The following SHROOM2 variants were observed in gnomAD, a reference collection of about 807,000 sequenced individuals.
SHROOM2 encodes shroom family member 2, also known as protein Shroom2.
SHROOM2 carries 33 observed loss-of-function variants against 75.9 expected under a neutral mutation model. The ratio of observed to expected loss-of-function variants is 0.43; its 90% CI spans 0.33 to 0.58. The LOEUF is 0.58. SHROOM2 is among the 20% of genes least tolerant of loss of function. The probability of loss-of-function intolerance (pLI) is 0.04; values close to 1 mark genes in which losing one functional copy is unlikely to be tolerated. For missense variants in SHROOM2, 1,434 were observed against 1,461.2 expected (o/e 0.98, Z 0.30); for synonymous variants, 655 against 663.6 (o/e 0.99, Z 0.20).
Position 9,896,508 on chromosome X carries a change from C to A in SHROOM2, c.2600C>A (p.Pro867Gln). The change falls in exon 4 of 10, where the codon CCG becomes CAG. Residue 867 changes from proline (P) to glutamine (Q), a missense_variant. By Grantham distance (76) the Pro-to-Gln change is moderately conservative. Transcript: ENST00000380913. Reference protein sequence around the residue: ...AAEKAGTSDLPRRLGTFAEYQ... With the variant: ...AAEKAGTSDLQRRLGTFAEYQ... ...GAGAAGGCAGGGACTTCAGACCTGC[C>A]GCGGAGGCTCGGCACCTTTGCAGAG... 1 of 1,209,544 alleles carries A rather than the reference C, an allele frequency of 8.3e-7. No homozygotes were observed. The highest frequency in any genetic ancestry group is 1.1e-6 in the Non-Finnish European group (1 of 894,396).
chrX:9,911,372 C>G (rs886218605), intron 5 of SHROOM2, among the ~76,000 whole-genome samples: 2 of 112,286 alleles, frequency 1.8e-5, no homozygotes, highest in Admixed American at 1.9e-4. Flanking sequence ...GGAAAAAAAT[C>G]TAAAATAGCA....
chrX:9,859,299 C>T (rs970830916), intron 1 of SHROOM2, among the ~76,000 whole-genome samples: 3 of 110,696 alleles, frequency 2.7e-5, no homozygotes, highest in Non-Finnish European at 3.8e-5. Context: ...TAGACAACGT[C>T]GCTTATGTTC....
chrX:9,830,665 G>T (rs1296290867), intron 1 of SHROOM2, among the ~76,000 whole-genome samples: 1 of 83,234 alleles, frequency 1.2e-5, no homozygotes, highest in African/African-American at 4.7e-5. Flanking sequence ...GCAATGGCGC[G>T]ATCTTGGCTC....
intron 5 of SHROOM2, among the ~76,000 whole-genome samples, chrX:9,904,870 G>A (rs1601980765): frequency 1.8e-5 from 2 of 111,962 alleles, no homozygotes; most frequent in African/African-American, 6.5e-5. Flanking sequence ...ATTGATAACC[G>A]ATTGATTCAT....
chrX:9,830,099 A>T (rs1326816763), intron 1 of SHROOM2, among the ~76,000 whole-genome samples: 1 of 111,036 alleles, frequency 9.0e-6, no homozygotes, highest in Admixed American at 9.6e-5. Flanking sequence ...CCAGGAAGAG[A>T]CCCCTCACCG....
At chrX:9,918,874 A>C (rs753398903) in intron 5 of SHROOM2, among the ~76,000 whole-genome samples, 2 of 111,785 alleles carry the variant, frequency 1.8e-5, no homozygotes, top group Non-Finnish European at 3.8e-5. Context: ...CCACCTCTTC[A>C]TCCTATCCCA....
intron 1 of SHROOM2, among the ~76,000 whole-genome samples, chrX:9,830,736 G>T (rs183116494): frequency 0.014 from 1,476 of 107,536 alleles, 19 homozygotes; most frequent in African/African-American, 0.048. Flanking sequence ...CGAGTAGCTG[G>T]GATTACAGGC....
rs748972023 is a variant in SHROOM2, at chrX:9,887,203, C to T, written c.318-3774C>T. Among the ~76,000 whole-genome samples the T allele has an allele frequency of 3.6e-5, 4 of 112,539 alleles. No homozygotes were observed. In the East Asian group the frequency reaches 8.3e-4, roughly 23 times the overall value. ...TGTTACCAGCAAGCTGCTGTCTCCC[C>T]GATGTAACTGACCAAGCTAAAGGGC... On this transcript the variant is annotated intron_variant, in intron 2 of 9. Transcript: ENST00000380913.
intron 1 of SHROOM2, among the ~76,000 whole-genome samples, chrX:9,863,725 G>A (rs967761350): frequency 1.8e-5 from 2 of 109,968 alleles, no homozygotes; most frequent in African/African-American, 3.3e-5. Context: ...CAACTCCTAG[G>A]CTCAGGTGAT....
chrX:9,911,331 C>T (rs1397830553), intron 5 of SHROOM2, among the ~76,000 whole-genome samples: 2 of 111,852 alleles, frequency 1.8e-5, no homozygotes, highest in Non-Finnish European at 3.8e-5. Context: ...AATGAATCAG[C>T]ACAGTGCCTA....
chrX:9,882,178 C>CTTTTTTTTTTTT (rs386416608), intron 2 of SHROOM2, among the ~76,000 whole-genome samples: 4 of 71,040 alleles, frequency 5.6e-5, no homozygotes, highest in Non-Finnish European at 7.4e-5. Context: ...TCCCTTGTTG[C>CTTTTTTTTTTTT]TTTTTTTTTT....
Position 9,909,918 on chromosome X carries a change from C to T in SHROOM2, c.2891+11628C>T, listed in dbSNP as rs754858885. On this transcript the variant is annotated intron_variant, in intron 5 of 9. Coordinates refer to ENST00000380913, the MANE Select transcript of SHROOM2 (RefSeq NM_001649.4). ...TGTCTGGTGAAGGTGCTTTCTGGCTCACAAATGGCTGTCTCTCTGCTGCGT... is the reference window on the plus strand; with the variant it reads ...TGTCTGGTGAAGGTGCTTTCTGGCTTACAAATGGCTGTCTCTCTGCTGCGT... 4.5e-5 allele frequency among the ~76,000 whole-genome samples: 5 copies of T among 111,816 alleles called. No individual in the cohort carries two copies. The South Asian group carries it at 1.9e-3, about 42-fold the overall frequency.
intron 6 of SHROOM2, 59 bp from the exon 7 acceptor site, chrX:9,937,075 C>A (rs980814873): frequency 3.7e-6 from 4 of 1,086,957 alleles, no homozygotes; most frequent in Non-Finnish European, 4.9e-6. Flanking sequence ...GGGGACACGT[C>A]AATCAGGGTC....
chrX:9,804,305 A>G (rs992168270), intron 1 of SHROOM2, among the ~76,000 whole-genome samples: 2 of 111,680 alleles, frequency 1.8e-5, no homozygotes, highest in African/African-American at 6.5e-5. Context: ...GCTGTGGCTG[A>G]TGGGCCGGGG....
At chrX:9,834,663 C>T (rs1235512146) in intron 1 of SHROOM2, among the ~76,000 whole-genome samples, 1 of 89,269 alleles carries the variant, frequency 1.1e-5, no homozygotes, top group Non-Finnish European at 2.2e-5. Flanking sequence ...TTCTTTGAGA[C>T]AACATCTCAC....
At chrX:9,862,239 C>T (rs770745221) in intron 1 of SHROOM2, among the ~76,000 whole-genome samples, 1 of 111,439 alleles carries the variant, frequency 9.0e-6, no homozygotes, top group South Asian at 3.8e-4. Flanking sequence ...GTAAGGAGAA[C>T]TCTAAAGAAT....
chrX:9,852,413 C>A (rs1279819973), intron 1 of SHROOM2, among the ~76,000 whole-genome samples: 1 of 112,380 alleles, frequency 8.9e-6, no homozygotes, highest in Non-Finnish European at 1.9e-5. Context: ...TCCTTGCTGG[C>A]TTTTCATGGC....
At chrX:9,910,816 C>CAA (rs201958775) in intron 5 of SHROOM2, among the ~76,000 whole-genome samples, 34 of 95,604 alleles carry the variant, frequency 3.6e-4, no homozygotes, top group Admixed American at 1.0e-3. Flanking sequence ...GACTCCATCT[C>CAA]AAAAAAAAAA....
intron 1 of SHROOM2, among the ~76,000 whole-genome samples, chrX:9,803,567 G>A (rs912786906): frequency 1.8e-5 from 2 of 110,946 alleles, no homozygotes; most frequent in African/African-American, 3.3e-5. Context: ...ATGGTGCTCC[G>A]TGCCTCCTGT....
Sources: gnomAD v4.1 joint callset for allele counts (sites outside exome capture counted in the v4.1 genomes callset) on GRCh38, gnomAD v4.1.1 for gene constraint, MANE v1.5 for transcripts, NCBI Gene and HGNC (gene_info 2026-07-23, HGNC 2026-07-21) for gene names.